The following ATM variants were observed in gnomAD, a reference collection of about 807,000 sequenced individuals.
ATM encodes the protein ATM serine/threonine kinase.
ATM carries 308 observed loss-of-function variants against 387.0 expected under a neutral mutation model. That is an observed-to-expected ratio of 0.80 (90% CI 0.73 to 0.87). The LOEUF (loss-of-function observed/expected upper bound fraction) is 0.87, where lower values mean the gene tolerates loss of function less well. Among genes scored for constraint, ATM ranks in the 40% least tolerant of loss-of-function variants. The pLI, the probability that ATM is intolerant of heterozygous loss-of-function variation, is 0.00. For synonymous variants in ATM, 1,156 were observed against 1,187.3 expected (o/e 0.97, Z 0.54); for missense variants, 3,312 against 3,560.9 (o/e 0.93, Z 1.78).
chr11:108,293,703 T>G (rs1313513500), intron 31 of ATM, among the ~76,000 whole-genome samples: 1 of 151,512 alleles, frequency 6.6e-6, no homozygotes, highest in African/African-American at 2.4e-5. Context: ...CTGGGCAACA[T>G]GGCGAAACCC....
At chr11:108,355,876 G>A (rs1007565031) in intron 61 of ATM, 4 of 152,118 alleles carry the variant, frequency 2.6e-5, no homozygotes, top group South Asian at 2.1e-4. Context: ...GTCCATCAGG[G>A]TGGTCCTGTG....
At position 108,272,621 on chromosome 11, in the gene ATM, T is replaced by A. The variant is rs1257223460; in HGVS notation, c.3153+14T>A. 5 of 1,612,580 alleles carry A rather than the reference T, an allele frequency of 3.1e-6. No individual in the cohort carries two copies. Among genetic ancestry groups the A allele is most frequent in the Non-Finnish European group, 8.5e-7 (1 of 1,178,862 alleles). ...ACTTTGCTTGAGGTGAGTTTTTGCA[T>A]TTTTTTAGTAAGATCTCCATTGAAA... On this transcript the variant is annotated intron_variant, in intron 21 of 62. Coordinates refer to ENST00000675843, the MANE Select transcript of ATM (RefSeq NM_000051.4).
At chr11:108,243,181 C>G (rs963714003) in intron 5 of ATM, among the ~76,000 whole-genome samples, 5 of 152,232 alleles carry the variant, frequency 3.3e-5, no homozygotes, top group African/African-American at 1.2e-4. Context: ...ATCTTACCAC[C>G]ACACACCAGT....
chr11:108,243,185 C>T (rs1464425032), intron 5 of ATM, among the ~76,000 whole-genome samples: 2 of 152,118 alleles, frequency 1.3e-5, no homozygotes, highest in Non-Finnish European at 2.9e-5. Flanking sequence ...TACCACCACA[C>T]ACCAGTTTGG....
chr11:108,348,693 G>A (rs425061), intron 59 of ATM, among the ~76,000 whole-genome samples: 79,494 of 151,700 alleles, frequency 0.52, 21,694 homozygotes, highest in Middle Eastern at 0.72. Context: ...AAGGAAATAA[G>A]TTATCACAGG....
intron 55 of ATM, 63 bp downstream of exon 55, chr11:108,335,172 TTTTC>T: frequency 6.2e-7 from 1 of 1,610,288 alleles, no homozygotes; most frequent in Non-Finnish European, 8.5e-7. Flanking sequence ...TTAGTTCATA[TTTTC>T]TTTCTGCTTT....
In ATM at chr11:108,319,971, C is replaced by G. The variant is rs1555116369; in HGVS notation, c.6365C>G (p.Thr2122Ser). ...TCTCACAGCAAAGAAGTAGAAGGAACCAGTTACCATGAATCATTGTACAAT... is the reference window on the plus strand; with the variant it reads ...TCTCACAGCAAAGAAGTAGAAGGAAGCAGTTACCATGAATCATTGTACAAT... ...CTSVSKEVEGTSYHESLYNAL... is the reference protein window; with the variant it reads ...CTSVSKEVEGSSYHESLYNAL... The change falls in exon 44 of 63, where the codon ACC becomes AGC. Residue 2122 changes from threonine to serine, a missense_variant. Physicochemically the swap from Thr to Ser is moderately conservative, Grantham distance 58 (BLOSUM62 1). This residue lies in a region of ATM where 1,405 missense variants were observed against 1,604.4 expected (regional missense o/e 0.88). Transcript: ENST00000675843. 6.2e-7 allele frequency: 1 copy of G among 1,611,288 alleles called. No homozygotes were observed. The highest frequency in any genetic ancestry group is 1.3e-5 in the African/African-American group (1 of 74,822).
chr11:108,282,184 G>A (rs966113606), intron 24 of ATM, among the ~76,000 whole-genome samples: 14 of 151,170 alleles, frequency 9.3e-5, no homozygotes, highest in African/African-American at 3.4e-4. Context: ...CTGGAGTGCA[G>A]TGGCATGATC....
chr11:108,305,809 G>T (rs553934132), intron 37 of ATM, among the ~76,000 whole-genome samples: 2 of 151,986 alleles, frequency 1.3e-5, no homozygotes, highest in South Asian at 4.2e-4. Context: ...GCTCATTATG[G>T]GTCAGTTTTT....
intron 16 of ATM, among the ~76,000 whole-genome samples, chr11:108,261,854 G>A (rs2080911504): frequency 1.3e-5 from 2 of 152,142 alleles, no homozygotes; most frequent in South Asian, 2.1e-4. Flanking sequence ...CTCAGGAGCC[G>A]ATGCGATCAA....
At chr11:108,231,161 A>T (rs2042490625) in intron 4 of ATM, among the ~76,000 whole-genome samples, 2 of 152,162 alleles carry the variant, frequency 1.3e-5, no homozygotes, top group African/African-American at 4.8e-5. Context: ...TGATTTGAGG[A>T]AAAAAACAAC....
intron 31 of ATM, among the ~76,000 whole-genome samples, chr11:108,293,917 A>ATG (rs1267869110): frequency 9.0e-4 from 126 of 139,856 alleles, no homozygotes; most frequent in African/African-American, 3.0e-3. Flanking sequence ...ATATATATAT[A>ATG]TATGTGTGTG....
intron 56 of ATM, among the ~76,000 whole-genome samples, chr11:108,338,656 A>T (rs58448902): frequency 7.0e-6 from 1 of 143,852 alleles, no homozygotes; most frequent in Admixed American, 6.9e-5. Context: ...AACTTGTCTT[A>T]AAAAAAAAAA....
intron 56 of ATM, among the ~76,000 whole-genome samples, chr11:108,339,882 T>C (rs1292344149): frequency 6.6e-6 from 1 of 152,178 alleles, no homozygotes; most frequent in Non-Finnish European, 1.5e-5. Context: ...GGAGAGGGCA[T>C]GTAGAATACT....
intron 26 of ATM, among the ~76,000 whole-genome samples, chr11:108,287,008 G>A (rs2082527095): frequency 1.3e-5 from 2 of 152,098 alleles, no homozygotes; most frequent in Admixed American, 1.3e-4. Flanking sequence ...CCTGTCTATA[G>A]TGGGAAGTAG....
chr11:108,309,034 T>G, intron 38 of ATM: 1 of 1,525,056 alleles, frequency 6.6e-7, no homozygotes, highest in Non-Finnish European at 8.8e-7. Flanking sequence ...ATTCTTCATA[T>G]TCCATTTTAA....
At chr11:108,339,625 T>G (rs1416698077) in intron 56 of ATM, among the ~76,000 whole-genome samples, 2 of 152,144 alleles carry the variant, frequency 1.3e-5, no homozygotes, top group African/African-American at 4.8e-5. Flanking sequence ...AAATTCAAAT[T>G]CAGCTCTTTC....
chr11:108,357,611 C>G (rs1404211182), intron 61 of ATM, among the ~76,000 whole-genome samples: 3 of 152,208 alleles, frequency 2.0e-5, no homozygotes, highest in Admixed American at 1.3e-4. Flanking sequence ...AACAGGCAGA[C>G]TGCCTCCTCA....
chr11:108,336,958 TCTC>T (rs2086921979), intron 56 of ATM, among the ~76,000 whole-genome samples: 2 of 152,236 alleles, frequency 1.3e-5, no homozygotes, highest in Admixed American at 1.3e-4. Flanking sequence ...TTTTAAACTT[TCTC>T]CTTCTATAAA....
Sources: allele counts gnomAD v4.1 joint callset (sites outside exome capture counted in the v4.1 genomes callset), GRCh38; gene constraint gnomAD v4.1.1; regional missense constraint gnomAD v4.1.1; transcripts MANE v1.5; gene names NCBI Gene and HGNC (gene_info 2026-07-23, HGNC 2026-07-21).